The following LMF1 variants were observed in gnomAD, a reference collection of about 807,000 sequenced individuals.
The protein encoded by LMF1 is transmembrane protein 112.
LMF1 carries 68 observed loss-of-function variants against 60.6 expected under a neutral mutation model. The ratio of observed to expected loss-of-function variants is 1.12; its 90% CI spans 0.92 to 1.37. The LOEUF is 1.37. Among genes scored for constraint, LMF1 ranks in the 40% most tolerant of loss-of-function variants. The pLI is 0.00. For missense variants in LMF1, 948 were observed against 767.2 expected, an observed-to-expected ratio of 1.24 and a Z score of -2.78; for synonymous variants, 418 against 324.7, an observed-to-expected ratio of 1.29 and a Z score of -3.09.
intron 2 of LMF1, among the ~76,000 whole-genome samples, chr16:945,612 G>C (rs963744267): frequency 6.6e-6 from 1 of 152,064 alleles, no homozygotes; most frequent in Admixed American, 6.5e-5. Context: ...ATGTGAAAGA[G>C]ATTTAGGTTA....
chr16:895,572 G>A (rs943025274), intron 4 of LMF1, among the ~76,000 whole-genome samples: 1 of 152,234 alleles, frequency 6.6e-6, no homozygotes, highest in Non-Finnish European at 1.5e-5. Flanking sequence ...CTGGGCAGGG[G>A]AGGGGCGTGT....
At chr16:931,880 C>T (rs1487093000) in intron 3 of LMF1, 3 of 1,136,520 alleles carry the variant, frequency 2.6e-6, no homozygotes, top group Non-Finnish European at 3.5e-6. Flanking sequence ...CAATTCGCTT[C>T]TGAGTCCCTA....
At chr16:877,284 A>C (rs1435327216) in intron 6 of LMF1, among the ~76,000 whole-genome samples, 2 of 152,174 alleles carry the variant, frequency 1.3e-5, no homozygotes, top group Non-Finnish European at 2.9e-5. Flanking sequence ...ACAGATGAAC[A>C]AATTCCCAGG....
At chr16:860,432 C>G (rs926286907) in intron 10 of LMF1, among the ~76,000 whole-genome samples, 1 of 151,126 alleles carries the variant, frequency 6.6e-6, no homozygotes, top group Non-Finnish European at 1.5e-5. Context: ...CTCTGCCTCC[C>G]AGGCTCAAGT....
intron 2 of LMF1, among the ~76,000 whole-genome samples, chr16:951,669 G>A (rs2072471543): frequency 6.6e-6 from 1 of 152,236 alleles, no homozygotes; most frequent in Non-Finnish European, 1.5e-5. Context: ...ACCACGCTCA[G>A]GTGAACGATA....
At chr16:862,721 G>A (rs1261589288) in intron 10 of LMF1, among the ~76,000 whole-genome samples, 1 of 152,062 alleles carries the variant, frequency 6.6e-6, no homozygotes, top group Non-Finnish European at 1.5e-5. Context: ...AGTGAGGCGT[G>A]GTGGTGTGGG....
chr16:945,242 C>CTGGGCACG (rs1467995041), intron 2 of LMF1, among the ~76,000 whole-genome samples: 4 of 128,898 alleles, frequency 3.1e-5, no homozygotes, highest in African/African-American at 1.3e-4. Context: ...AAATATTTGG[C>CTGGGCACG]TGGGCACGGT....
In LMF1 at chr16:927,929, G is replaced by A. The variant is rs576875673; in HGVS notation, c.514+6315C>T. On this transcript the variant is annotated intron_variant, in intron 3 of 10. Coordinates refer to ENST00000262301, the MANE Select transcript of LMF1 (RefSeq NM_022773.4). ...ACGCACGGCGACACTTGGCCTGTGC[G>A]GGGACAGCCTAGAAAGCAGACCTGA... Among the ~76,000 whole-genome samples, 33 of 152,336 alleles carry A rather than the reference G, an allele frequency of 2.2e-4. 1 individual carries two copies. Among genetic ancestry groups the A allele is most frequent in the Admixed American group, 3.3e-4 (5 of 15,310 alleles).
chr16:981,003 GC>G, intron 1 of LMF1: 1 of 189,638 alleles, frequency 5.3e-6, no homozygotes, highest in Non-Finnish European at 1.1e-5. Flanking sequence ...GTCAGCGCAG[GC>G]CCCGCCCAGC....
intron 10 of LMF1, among the ~76,000 whole-genome samples, chr16:868,093 G>A (rs534181706): frequency 6.6e-6 from 1 of 152,128 alleles, no homozygotes; most frequent in African/African-American, 2.4e-5. Context: ...GCTACCTCCA[G>A]GGGGCTGCTC....
At chr16:934,365 C>A in intron 2 of LMF1, 111 bp from the exon 3 acceptor site, 1 of 1,400,844 alleles carries the variant, frequency 7.1e-7, no homozygotes, top group South Asian at 1.2e-5. Context: ...GGTGTGGGGT[C>A]AGGGAAGCCC....
At chr16:884,270 T>C (rs912609645) in intron 5 of LMF1, 1 of 152,060 alleles carries the variant, frequency 6.6e-6, no homozygotes, top group African/African-American at 2.4e-5. Flanking sequence ...CTTAGAATAG[T>C]ACTACAAACT....
chr16:899,710 C>T (rs575635150), intron 4 of LMF1: 1 of 152,376 alleles, frequency 6.6e-6, no homozygotes, highest in South Asian at 2.1e-4. Context: ...ACCCACACCT[C>T]CCATGGGCTG....
chr16:916,627 C>T (rs552880138), intron 3 of LMF1, among the ~76,000 whole-genome samples: 1 of 152,246 alleles, frequency 6.6e-6, no homozygotes, highest in South Asian at 2.1e-4. Context: ...ACCCACATGG[C>T]CCCGGGACAC....
At chr16:894,819 G>T (rs545345327) in intron 4 of LMF1, among the ~76,000 whole-genome samples, 1 of 152,366 alleles carries the variant, frequency 6.6e-6, no homozygotes, top group East Asian at 1.9e-4. Flanking sequence ...GGCGTGCTGG[G>T]GTGTCGGGCC....
upstream of LMF1, among the ~76,000 whole-genome samples, chr16:971,707 G>A (rs1032075124): frequency 6.6e-6 from 1 of 152,224 alleles, no homozygotes; most frequent in African/African-American, 2.4e-5. Context: ...CTGGAGCGGG[G>A]TTCTGGAGGC....
intron 1 of LMF1, among the ~76,000 whole-genome samples, chr16:966,637 C>T (rs1218281993): frequency 2.0e-5 from 3 of 152,198 alleles, no homozygotes; most frequent in African/African-American, 4.8e-5. Context: ...GCCTGCGAGC[C>T]GTCTCCCAGG....
chr16:937,393 C>G (rs530004505), intron 2 of LMF1, among the ~76,000 whole-genome samples: 2 of 152,186 alleles, frequency 1.3e-5, no homozygotes, highest in African/African-American at 4.8e-5. Context: ...TTTGGATGGT[C>G]GGGGTTAACA....
chr16:893,469 C>G (rs2070553837), intron 4 of LMF1: 4 of 449,594 alleles, frequency 8.9e-6, no homozygotes, highest in Non-Finnish European at 1.8e-5. Flanking sequence ...AGGATGAGCC[C>G]AAAGTCGGAG....
Sources: allele counts gnomAD v4.1 joint callset (sites outside exome capture counted in the v4.1 genomes callset), GRCh38; gene constraint gnomAD v4.1.1; transcripts MANE v1.5; gene names NCBI Gene and HGNC (gene_info 2026-07-23, HGNC 2026-07-21).